Variants in HS6ST3 observed in about 807,000 individuals in gnomAD.
HS6ST3 encodes heparan sulfate 6-O-sulfotransferase 3.
A neutral mutation model predicts 36.7 loss-of-function variants in HS6ST3; 12 were observed. The ratio of observed to expected loss-of-function variants is 0.33; its 90% CI spans 0.21 to 0.53. The LOEUF (loss-of-function observed/expected upper bound fraction) is 0.53. Ranked by LOEUF, HS6ST3 falls within the 20% of genes least tolerant of loss-of-function variation. The probability of loss-of-function intolerance (pLI) is 0.95; values close to 1 mark genes in which losing one functional copy is unlikely to be tolerated. For missense variants in HS6ST3, 584 were observed against 640.9 expected (o/e 0.91, Z 0.96); for synonymous variants, 240 against 257.5 (o/e 0.93, Z 0.65).
At chr13:96,301,898 T>TATAATA (rs71113989) in intron 1 of HS6ST3, among the ~76,000 whole-genome samples, 2,997 of 137,676 alleles carry the variant, frequency 0.022, 50 homozygotes, top group Admixed American at 0.03. Flanking sequence ...AGACTCCATC[T>TATAATA]ATAATAATAA....
chr13:96,481,744 G>A (rs1322284868), intron 1 of HS6ST3, among the ~76,000 whole-genome samples: 1 of 152,148 alleles, frequency 6.6e-6, no homozygotes, highest in Admixed American at 6.5e-5. Context: ...GAAGGAGCAG[G>A]GTGGTGATCC....
intron 1 of HS6ST3, among the ~76,000 whole-genome samples, chr13:96,686,413 A>G (rs1340147338): frequency 2.0e-5 from 3 of 152,034 alleles, no homozygotes; most frequent in African/African-American, 7.2e-5. Context: ...AAAGCCATCT[A>G]AAAAAGTGCC....
chr13:96,586,849 T>C (rs1382842804), intron 1 of HS6ST3, among the ~76,000 whole-genome samples: 2 of 152,198 alleles, frequency 1.3e-5, no homozygotes, highest in Non-Finnish European at 2.9e-5. Flanking sequence ...TCTGTGCTTT[T>C]GGGGTCATAT....
intron 1 of HS6ST3, among the ~76,000 whole-genome samples, chr13:96,225,911 A>G (rs553349373): frequency 6.6e-6 from 1 of 152,314 alleles, no homozygotes; most frequent in South Asian, 2.1e-4. Flanking sequence ...CACCATTTAT[A>G]TGGAGAGTCC....
intron 1 of HS6ST3, among the ~76,000 whole-genome samples, chr13:96,304,247 T>C (rs2054898222): frequency 6.6e-6 from 1 of 152,148 alleles, no homozygotes; most frequent in Non-Finnish European, 1.5e-5. Context: ...GTTACTAGGT[T>C]AGTCATTGAT....
intron 1 of HS6ST3, among the ~76,000 whole-genome samples, chr13:96,699,590 A>G (rs995500367): frequency 1.6e-4 from 24 of 152,288 alleles, no homozygotes; most frequent in African/African-American, 5.8e-4. Context: ...TAAAAAGGAA[A>G]CAACAGGTGC....
At chr13:96,131,430 A>G (rs1032434118) in intron 1 of HS6ST3, among the ~76,000 whole-genome samples, 1 of 151,764 alleles carries the variant, frequency 6.6e-6, no homozygotes, top group Non-Finnish European at 1.5e-5. Flanking sequence ...AAAACTTAAA[A>G]AAATTGACAC....
At chr13:96,394,454 T>C (rs922476653) in intron 1 of HS6ST3, among the ~76,000 whole-genome samples, 2 of 152,198 alleles carry the variant, frequency 1.3e-5, no homozygotes, top group Admixed American at 6.5e-5. Flanking sequence ...TGTCCTGCAT[T>C]CATTTTGACT....
rs116224402 is a variant in HS6ST3, at chr13:96,582,700, C to T, written c.708-249790C>T. Among the ~76,000 whole-genome samples the T allele has an allele frequency of 5.9e-3, 893 of 152,260 alleles. 5 individuals are homozygous for T. Among genetic ancestry groups the T allele is most frequent in the African/African-American group, 0.02 (845 of 41,546 alleles). On this transcript the variant is annotated intron_variant, in intron 1 of 1. Transcript: ENST00000376705. Reference sequence around the variant, plus strand: ...ATATATATTTGTACATATTTCCTCTCCTACATATAGAAATCATTTATCTTT... The same window carrying T: ...ATATATATTTGTACATATTTCCTCTTCTACATATAGAAATCATTTATCTTT...
intron 1 of HS6ST3, among the ~76,000 whole-genome samples, chr13:96,280,575 G>T (rs1450376824): frequency 2.6e-5 from 4 of 152,138 alleles, no homozygotes; most frequent in African/African-American, 7.2e-5. Context: ...AGAGAGTTCA[G>T]ACTCCCCGAA....
intron 1 of HS6ST3, among the ~76,000 whole-genome samples, chr13:96,519,880 A>G (rs1407864967): frequency 6.6e-6 from 1 of 152,142 alleles, no homozygotes; most frequent in African/African-American, 2.4e-5. Context: ...CTTGATTTGG[A>G]AAATGTATAT....
intron 1 of HS6ST3, among the ~76,000 whole-genome samples, chr13:96,708,598 A>T (rs554577786): frequency 6.6e-6 from 1 of 152,316 alleles, no homozygotes; most frequent in Non-Finnish European, 1.5e-5. Flanking sequence ...TTGGCCAGGC[A>T]TATACACAAC....
chr13:96,476,421 G>C (rs565724344), intron 1 of HS6ST3, among the ~76,000 whole-genome samples: 2 of 152,184 alleles, frequency 1.3e-5, no homozygotes, highest in East Asian at 3.9e-4. Flanking sequence ...GGAGTGCAAT[G>C]GTGTGATCTT....
At chr13:96,545,085 A>G (rs893329164) in intron 1 of HS6ST3, among the ~76,000 whole-genome samples, 4 of 152,222 alleles carry the variant, frequency 2.6e-5, no homozygotes, top group Non-Finnish European at 4.4e-5. Context: ...ACATAGCTGT[A>G]TAATGCTATC....
chr13:96,472,942 A>G (rs1285151812), intron 1 of HS6ST3, among the ~76,000 whole-genome samples: 1 of 152,200 alleles, frequency 6.6e-6, no homozygotes. Context: ...ATGAGGTGGT[A>G]GCCCTTAACC....
At chr13:96,550,551 T>C (rs970926179) in intron 1 of HS6ST3, among the ~76,000 whole-genome samples, 18 of 152,198 alleles carry the variant, frequency 1.2e-4, no homozygotes, top group Non-Finnish European at 2.2e-4. Flanking sequence ...TAATGTGGAC[T>C]GAAGCCATGT....
chr13:96,257,345 A>T (rs2054642107), intron 1 of HS6ST3, among the ~76,000 whole-genome samples: 1 of 152,150 alleles, frequency 6.6e-6, no homozygotes, highest in Admixed American at 6.5e-5. Flanking sequence ...TCAAAGTCAA[A>T]GATTATTTAT....
intron 1 of HS6ST3, among the ~76,000 whole-genome samples, chr13:96,279,496 G>C (rs1423975918): frequency 6.6e-6 from 1 of 152,094 alleles, no homozygotes. Context: ...AGTGTTAGAA[G>C]CACTCAACAG....
intron 1 of HS6ST3, among the ~76,000 whole-genome samples, chr13:96,136,335 T>C (rs504340): frequency 0.87 from 132,425 of 152,164 alleles, 57,795 homozygotes; most frequent in East Asian, 0.91. Context: ...ACGGGCTATA[T>C]GGAAGCGTGG....
Sources: gnomAD v4.1 joint callset for allele counts (sites outside exome capture counted in the v4.1 genomes callset) on GRCh38, gnomAD v4.1.1 for gene constraint, MANE v1.5 for transcripts, NCBI Gene and HGNC (gene_info 2026-07-23, HGNC 2026-07-21) for gene names.